RIMS2: variants seen among roughly 807,000 people sequenced by gnomAD.
RIMS2 encodes regulating synaptic membrane exocytosis 2.
RIMS2 carries 59 observed loss-of-function variants against 174.4 expected under a neutral mutation model. That is an observed-to-expected ratio of 0.34 (90% CI 0.27 to 0.42). The LOEUF is 0.42. Ranked by LOEUF, RIMS2 falls within the 10% of genes least tolerant of loss-of-function variation. The pLI, the probability that RIMS2 is intolerant of heterozygous loss-of-function variation, is 1.00. For synonymous variants in RIMS2, 606 were observed against 572.5 expected (o/e 1.06, Z -0.84); for missense variants, 1,620 against 1,666.3 (o/e 0.97, Z 0.48).
At chr8:104,138,832 A>G (rs972398451) in intron 19 of RIMS2, among the ~76,000 whole-genome samples, 1 of 152,134 alleles carries the variant, frequency 6.6e-6, no homozygotes, top group Non-Finnish European at 1.5e-5. Context: ...TACTCGAGAA[A>G]TCTTTGCCCA....
intron 15 of RIMS2, among the ~76,000 whole-genome samples, chr8:103,972,473 A>G (rs192446194): frequency 6.6e-6 from 1 of 152,248 alleles, no homozygotes; most frequent in East Asian, 1.9e-4. Flanking sequence ...ATCATGCACA[A>G]TTTCTGCTTA....
chr8:103,789,641 C>T (rs961337610), intron 3 of RIMS2, among the ~76,000 whole-genome samples: 1 of 151,962 alleles, frequency 6.6e-6, no homozygotes, highest in African/African-American at 2.4e-5. Context: ...GAATTCTGCT[C>T]ACTTCAGATT....
intron 19 of RIMS2, among the ~76,000 whole-genome samples, chr8:104,138,759 C>T (rs2441862): frequency 0.53 from 80,347 of 151,838 alleles, 23,156 homozygotes; most frequent in East Asian, 0.92. Context: ...TGGCGGAAGC[C>T]TTTTAACCTG....
intron 2 of RIMS2, among the ~76,000 whole-genome samples, chr8:103,743,625 T>G (rs2097781234): frequency 6.6e-6 from 1 of 152,152 alleles, no homozygotes; most frequent in Non-Finnish European, 1.5e-5. Context: ...ATTGTAAACA[T>G]ATATTAATTT....
At chr8:103,921,896 A>T (rs1184630599) in intron 10 of RIMS2, 112 bp downstream of exon 13, 1 of 470,698 alleles carries the variant, frequency 2.1e-6, no homozygotes, top group African/African-American at 2.0e-5. Context: ...TGTGCTTTTA[A>T]CCTCCCACTT....
At chr8:103,575,943 T>A (rs2093198151) in intron 1 of RIMS2, among the ~76,000 whole-genome samples, 1 of 152,136 alleles carries the variant, frequency 6.6e-6, no homozygotes, top group Admixed American at 6.6e-5. Context: ...TAACTTCAGT[T>A]CCCTAGCAGG....
At chr8:104,041,637 T>C (rs1343353312) in intron 19 of RIMS2, among the ~76,000 whole-genome samples, 1 of 151,680 alleles carries the variant, frequency 6.6e-6, no homozygotes, top group Non-Finnish European at 1.5e-5. Context: ...GATGTGTATG[T>C]ATGCGTATGT....
intron 1 of RIMS2, among the ~76,000 whole-genome samples, chr8:103,582,483 C>T (rs879672495): frequency 2.0e-5 from 3 of 152,144 alleles, no homozygotes; most frequent in Non-Finnish European, 4.4e-5. Context: ...CAAGAGGGCT[C>T]TTGGGGTCCC....
At chr8:103,913,004 G>A (rs1473762821) in intron 6 of RIMS2, among the ~76,000 whole-genome samples, 1 of 131,390 alleles carries the variant, frequency 7.6e-6, no homozygotes, top group Non-Finnish European at 1.6e-5. Flanking sequence ...ATGGAGTCTC[G>A]CTGTATGTCC....
chr8:103,744,784 CTCA>C (rs1369154802), intron 2 of RIMS2, among the ~76,000 whole-genome samples: 2 of 152,216 alleles, frequency 1.3e-5, no homozygotes, highest in African/African-American at 4.8e-5. Flanking sequence ...CTGAGAAGGT[CTCA>C]TCATGGCCAA....
intron 3 of RIMS2, among the ~76,000 whole-genome samples, chr8:103,786,762 A>G (rs1221652109): frequency 2.0e-5 from 3 of 152,088 alleles, no homozygotes; most frequent in African/African-American, 4.8e-5. Context: ...TTTGGGGTGG[A>G]GAGTTCTGTA....
At chr8:103,956,123 A>G (rs1485007030) in intron 14 of RIMS2, among the ~76,000 whole-genome samples, 9 of 152,196 alleles carry the variant, frequency 5.9e-5, no homozygotes. Flanking sequence ...AAATGGAAAA[A>G]CATTCCATGC....
intron 3 of RIMS2, among the ~76,000 whole-genome samples, chr8:103,789,795 C>T (rs1054742858): frequency 7.3e-6 from 1 of 136,332 alleles, no homozygotes; most frequent in African/African-American, 2.8e-5. Flanking sequence ...GCTTTGTTGC[C>T]CAGGCTGGAG....
intron 19 of RIMS2, among the ~76,000 whole-genome samples, chr8:104,045,462 T>A (rs1357084775): frequency 2.6e-5 from 4 of 151,842 alleles, no homozygotes; most frequent in Admixed American, 2.6e-4. Context: ...GTTAAACAAG[T>A]CTAATACAAA....
At chr8:103,660,773 G>A (rs2096590579) in intron 1 of RIMS2, among the ~76,000 whole-genome samples, 1 of 152,128 alleles carries the variant, frequency 6.6e-6, no homozygotes, top group South Asian at 2.1e-4. Flanking sequence ...GTGGCTCAAG[G>A]CAGGGATAAG....
intron 1 of RIMS2, among the ~76,000 whole-genome samples, chr8:103,503,295 A>C (rs571720091): frequency 6.6e-6 from 1 of 150,900 alleles, no homozygotes; most frequent in Non-Finnish European, 1.5e-5. Context: ...AATGTTCTTA[A>C]TTTTTTTTTA....
intron 17 of RIMS2, among the ~76,000 whole-genome samples, chr8:104,006,628 CTCTCTCTCT>C (rs2095588569): frequency 3.2e-5 from 1 of 31,412 alleles, no homozygotes. Flanking sequence ...TGATCTATTT[CTCTCTCTCT>C]CTCTCTCTCT....
At chr8:103,811,106 A>G (rs1165373157) in intron 3 of RIMS2, among the ~76,000 whole-genome samples, 1 of 152,172 alleles carries the variant, frequency 6.6e-6, no homozygotes, top group African/African-American at 2.4e-5. Context: ...AACATTCCTT[A>G]TATTGTGGCT....
At chr8:103,732,795 T>C (rs1424440705) in intron 2 of RIMS2, among the ~76,000 whole-genome samples, 1 of 152,104 alleles carries the variant, frequency 6.6e-6, no homozygotes, top group African/African-American at 2.4e-5. Context: ...TTTAGTCAGC[T>C]TTTAGTGAAT....
Sources: gnomAD v4.1 joint callset for allele counts (sites outside exome capture counted in the v4.1 genomes callset) on GRCh38, gnomAD v4.1.1 for gene constraint, MANE v1.5 for transcripts, NCBI Gene and HGNC (gene_info 2026-07-23, HGNC 2026-07-21) for gene names.